The following NRG3 variants were observed in gnomAD, a reference collection of about 807,000 sequenced individuals.
NRG3 encodes the protein pro-neuregulin-3, membrane-bound isoform.
In NRG3, 31 loss-of-function variants were observed where a neutral mutation model predicts 66.9. The observed-to-expected ratio is 0.46, with a 90% CI of 0.35 to 0.63. The LOEUF (loss-of-function observed/expected upper bound fraction) is 0.63, where lower values mean the gene tolerates loss of function less well. Ranked by LOEUF, NRG3 falls within the 20% of genes least tolerant of loss-of-function variation. The pLI, the probability that NRG3 is intolerant of heterozygous loss-of-function variation, is 0.00. For missense variants in NRG3, 910 were observed against 878.9 expected (o/e 1.04, Z -0.45); for synonymous variants, 393 against 359.4 (o/e 1.09, Z -1.06).
intron 3 of NRG3, chr10:82,859,341 C>G (rs1174848851): frequency 2.0e-5 from 3 of 152,114 alleles, no homozygotes; most frequent in Non-Finnish European, 2.9e-5. Flanking sequence ...CACTTGGGAC[C>G]CTTGTATGAT....
chr10:82,707,979 G>A (rs571613701), intron 2 of NRG3, among the ~76,000 whole-genome samples: 3 of 151,582 alleles, frequency 2.0e-5, no homozygotes, highest in South Asian at 2.1e-4. Flanking sequence ...CCAGGATCAC[G>A]CCACTGCACT....
intron 3 of NRG3, among the ~76,000 whole-genome samples, chr10:82,820,954 C>T (rs556615269): frequency 1.3e-5 from 2 of 152,252 alleles, no homozygotes; most frequent in South Asian, 2.1e-4. Context: ...TGCAACTACA[C>T]GATCAAAAAC....
intron 1 of NRG3, among the ~76,000 whole-genome samples, chr10:82,291,056 C>CT (rs2079714788): frequency 6.6e-6 from 1 of 151,924 alleles, no homozygotes; most frequent in Admixed American, 6.6e-5. Flanking sequence ...GTTTTCTCAG[C>CT]TAGTGCTATT....
intron 1 of NRG3, among the ~76,000 whole-genome samples, chr10:82,352,537 G>A (rs930949344): frequency 9.2e-5 from 14 of 152,294 alleles, no homozygotes; most frequent in African/African-American, 2.9e-4. Flanking sequence ...CCTTTACTGG[G>A]CAACACTATA....
At chr10:82,109,577 G>GTA (rs139348809) in intron 1 of NRG3, among the ~76,000 whole-genome samples, 28 of 125,308 alleles carry the variant, frequency 2.2e-4, no homozygotes, top group South Asian at 9.9e-4. Context: ...GTGTGTGTGT[G>GTA]TATATATATA....
intron 2 of NRG3, among the ~76,000 whole-genome samples, chr10:82,412,004 G>T (rs1186806600): frequency 6.6e-6 from 1 of 152,086 alleles, no homozygotes; most frequent in African/African-American, 2.4e-5. Flanking sequence ...GCAAAGTCAA[G>T]AAGAAGAATG....
At chr10:82,833,496 A>G (rs2062629392) in intron 3 of NRG3, among the ~76,000 whole-genome samples, 1 of 152,010 alleles carries the variant, frequency 6.6e-6, no homozygotes, top group Admixed American at 6.6e-5. Flanking sequence ...TTGGACTTTC[A>G]TGAGTCCAAC....
At chr10:82,098,054 TACACACACACACACACAC>T (rs61481796) in intron 1 of NRG3, among the ~76,000 whole-genome samples, 2 of 146,712 alleles carry the variant, frequency 1.4e-5, no homozygotes, top group African/African-American at 5.0e-5. Context: ...GCCACATATA[TACACACACACACACACAC>T]ACACACACAC....
intron 1 of NRG3, among the ~76,000 whole-genome samples, chr10:82,339,664 T>A (rs997577303): frequency 5.9e-5 from 9 of 152,184 alleles, no homozygotes; most frequent in East Asian, 1.9e-4. Flanking sequence ...CTATTTTTTT[T>A]AAAGTTTGAA....
chr10:82,897,174 A>G (rs1020157115), intron 4 of NRG3, among the ~76,000 whole-genome samples: 2 of 152,248 alleles, frequency 1.3e-5, no homozygotes, highest in East Asian at 3.8e-4. Context: ...AGTGCTATGG[A>G]AGAAGAAGCC....
chr10:82,388,282 A>G (rs1277550317), intron 2 of NRG3, among the ~76,000 whole-genome samples: 1 of 152,220 alleles, frequency 6.6e-6, no homozygotes, highest in Admixed American at 6.5e-5. Flanking sequence ...CCATTTGCTG[A>G]GATTATTTTA....
chr10:82,432,786 G>T (rs2089905997), intron 2 of NRG3, among the ~76,000 whole-genome samples: 1 of 152,198 alleles, frequency 6.6e-6, no homozygotes, highest in Non-Finnish European at 1.5e-5. Flanking sequence ...TCCCTGCAAA[G>T]ACATAATCTC....
intron 1 of NRG3, among the ~76,000 whole-genome samples, chr10:82,245,905 C>T (rs2077214828): frequency 6.6e-6 from 1 of 151,396 alleles, no homozygotes; most frequent in South Asian, 2.1e-4. Flanking sequence ...TACATTTATC[C>T]TACTTTACAC....
At chr10:82,185,754 G>A (rs2073764226) in intron 1 of NRG3, among the ~76,000 whole-genome samples, 1 of 152,102 alleles carries the variant, frequency 6.6e-6, no homozygotes, top group Non-Finnish European at 1.5e-5. Flanking sequence ...TGACTCAAGA[G>A]TCTTTCCACA....
intron 2 of NRG3, among the ~76,000 whole-genome samples, chr10:82,639,042 A>G (rs2050387381): frequency 6.6e-6 from 1 of 152,294 alleles, no homozygotes; most frequent in Non-Finnish European, 1.5e-5. Flanking sequence ...TGTCGTTGCC[A>G]TGTGAAAAGA....
At chr10:82,676,234 A>G (rs946944824) in intron 2 of NRG3, among the ~76,000 whole-genome samples, 9 of 152,132 alleles carry the variant, frequency 5.9e-5, no homozygotes, top group African/African-American at 1.9e-4. Flanking sequence ...CATAACATCA[A>G]AATTGAACTT....
intron 2 of NRG3, among the ~76,000 whole-genome samples, chr10:82,473,574 C>A (rs1841475832): frequency 6.6e-6 from 1 of 152,132 alleles, no homozygotes; most frequent in Non-Finnish European, 1.5e-5. Context: ...AACACCCAAT[C>A]ATGGAAAAGC....
intron 4 of NRG3, among the ~76,000 whole-genome samples, chr10:82,938,510 G>A (rs1302040171): frequency 6.6e-6 from 1 of 152,258 alleles, no homozygotes; most frequent in African/African-American, 2.4e-5. Flanking sequence ...AGGGCTCTCA[G>A]CCTGCGCACC....
chr10:81,884,710 C>G (rs1019396122), intron 1 of NRG3, among the ~76,000 whole-genome samples: 12 of 152,106 alleles, frequency 7.9e-5, no homozygotes, highest in African/African-American at 2.9e-4. Flanking sequence ...AAGACATGGG[C>G]ATCCTAGGAT....
Sources: allele counts gnomAD v4.1 joint callset (sites outside exome capture counted in the v4.1 genomes callset), GRCh38; gene constraint gnomAD v4.1.1; transcripts MANE v1.5; gene names NCBI Gene and HGNC (gene_info 2026-07-23, HGNC 2026-07-21).